LRP2: variants seen among roughly 807,000 people sequenced by gnomAD.
LRP2 encodes the protein LDL receptor related protein 2.
Under a neutral mutation model 531.0 loss-of-function variants are expected in LRP2, and 172 were observed. The ratio of observed to expected loss-of-function variants is 0.32; its 90% CI spans 0.29 to 0.37. LRP2 has a LOEUF of 0.37. LRP2 is among the 10% of genes least tolerant of loss of function. LRP2 has a pLI of 1.00. For synonymous variants in LRP2, 1,992 were observed against 2,027.6 expected (o/e 0.98, Z 0.47); for missense variants, 5,167 against 5,868.3 (o/e 0.88, Z 3.90).
intron 4 of LRP2, among the ~76,000 whole-genome samples, chr2:169,302,816 T>A (rs1353536005): frequency 6.6e-6 from 1 of 151,848 alleles, no homozygotes; most frequent in Non-Finnish European, 1.5e-5. Context: ...ATTGAAAGGC[T>A]TATGAGACAT....
chr2:169,168,926 C>A (rs1185230467), intron 60 of LRP2, among the ~76,000 whole-genome samples: 1 of 152,158 alleles, frequency 6.6e-6, no homozygotes, highest in East Asian at 1.9e-4. Context: ...TCTCTACAGG[C>A]AAATGTCAAG....
chr2:169,278,084 G>T (rs2105447736), intron 12 of LRP2, 133 bp from the exon 13 acceptor site: 4 of 728,108 alleles, frequency 5.5e-6, no homozygotes, highest in Middle Eastern at 3.1e-4. Flanking sequence ...AAACAACAGG[G>T]AAATTAAGTT....
At position 169,239,750 on chromosome 2, in the gene LRP2, A is replaced by G. The variant is rs1179328716; in HGVS notation, c.4071T>C (p.Asn1357=). 6.2e-7 allele frequency: 1 copy of G among 1,613,950 alleles called. No homozygotes were observed. The highest frequency in any genetic ancestry group is 1.7e-5 in the Admixed American group (1 of 60,004). Residue 1357 remains asparagine, a synonymous_variant, in exon 26 of 79, where the codon AAT becomes AAC. Coordinates refer to ENST00000649046, the MANE Select transcript of LRP2 (RefSeq NM_004525.3). The part of the protein sequence containing the change: ...LCNGNSCSDF[N]GGCTHECVQE... Reference sequence around the variant, plus strand: ...GAACACACTCGTGAGTACAACCACCATTGAAATCTGAGCAGCTGTTCCCAT... The same window carrying G: ...GAACACACTCGTGAGTACAACCACCGTTGAAATCTGAGCAGCTGTTCCCAT...
intron 63 of LRP2, among the ~76,000 whole-genome samples, chr2:169,157,917 G>GAAAT (rs71397691): frequency 0.46 from 60,648 of 130,430 alleles, 13,770 homozygotes; most frequent in Admixed American, 0.57. Context: ...ATAACAGATA[G>GAAAT]AAATAAATAA....
At position 169,282,852 on chromosome 2, in the gene LRP2, A is replaced by G. The variant is rs1683743111; in HGVS notation, c.1171+21T>C. 1.9e-6 allele frequency: 3 copies of G among 1,610,912 alleles called. No homozygotes were observed. The Admixed American group carries it at 5.0e-5, about 27-fold the overall frequency. ...GAATCTGTTCACTGTTCAGAGACAC[A>G]GGTGTCCATAATTTACTCACAGGAA... On this transcript the variant is annotated intron_variant, in intron 10 of 78. Coordinates refer to ENST00000649046, the MANE Select transcript of LRP2 (RefSeq NM_004525.3).
chr2:169,269,443 G>T (rs1574203326), intron 16 of LRP2, among the ~76,000 whole-genome samples: 1 of 151,978 alleles, frequency 6.6e-6, no homozygotes, highest in African/African-American at 2.4e-5. Context: ...CCTCAGAAAT[G>T]ATATCACACA....
intron 1 of LRP2, among the ~76,000 whole-genome samples, chr2:169,357,279 TTTTTATTTATTTTTATTTTATTTTA>T (rs1686014947): frequency 6.8e-6 from 1 of 146,774 alleles, no homozygotes; most frequent in Admixed American, 6.9e-5. Context: ...TTTTTTTTCT[TTTTTATTTATTTTTATTTTATTTTA>T]TTTTATTTTA....
intron 60 of LRP2, 93 bp downstream of exon 60, chr2:169,169,609 C>G (rs1677984669): frequency 1.1e-6 from 1 of 942,112 alleles, no homozygotes; most frequent in Non-Finnish European, 1.8e-6. Flanking sequence ...TACTTATGGC[C>G]TTTTAATCTA....
chr2:169,173,007 G>A (rs1687059471), intron 57 of LRP2, 89 bp downstream of exon 57: 3 of 1,503,612 alleles, frequency 2.0e-6, no homozygotes, highest in Non-Finnish European at 2.8e-6. Flanking sequence ...GATGACATGG[G>A]AAATACACTC....
At chr2:169,177,404 A>G (rs1574100379) in intron 53 of LRP2, among the ~76,000 whole-genome samples, 1 of 152,226 alleles carries the variant, frequency 6.6e-6, no homozygotes, top group Non-Finnish European at 1.5e-5. Flanking sequence ...TATACACAAT[A>G]CAATATCATA....
intron 16 of LRP2, among the ~76,000 whole-genome samples, chr2:169,259,473 T>C (rs925203622): frequency 6.6e-6 from 1 of 151,860 alleles, no homozygotes; most frequent in Non-Finnish European, 1.5e-5. Flanking sequence ...GAACCAGGAA[T>C]GGTATGGCCT....
intron 17 of LRP2, among the ~76,000 whole-genome samples, chr2:169,257,922 G>A (rs533135372): frequency 6.6e-6 from 1 of 151,338 alleles, no homozygotes; most frequent in South Asian, 2.1e-4. Flanking sequence ...TTTCCAAAAT[G>A]TAACTTTCTG....
At chr2:169,338,784 G>A (rs570552367) in intron 1 of LRP2, among the ~76,000 whole-genome samples, 82 of 152,322 alleles carry the variant, frequency 5.4e-4, no homozygotes, top group African/African-American at 1.9e-3. Context: ...GGCAAGGAAG[G>A]GGAAGAGCAC....
chr2:169,311,398 T>C (rs1574245688), intron 3 of LRP2, among the ~76,000 whole-genome samples: 1 of 152,380 alleles, frequency 6.6e-6, no homozygotes, highest in East Asian at 1.9e-4. Flanking sequence ...TGGTATGTTG[T>C]GTCTTTGTTC....
At chr2:169,288,599 T>G (rs930850363) in intron 9 of LRP2, among the ~76,000 whole-genome samples, 2 of 152,142 alleles carry the variant, frequency 1.3e-5, no homozygotes, top group Admixed American at 1.3e-4. Flanking sequence ...CTGGGGATGC[T>G]TGTGCATCCT....
intron 1 of LRP2, among the ~76,000 whole-genome samples, chr2:169,327,269 G>GA (rs1169152548): frequency 8.9e-6 from 1 of 111,842 alleles, no homozygotes; most frequent in Admixed American, 8.4e-5. Flanking sequence ...GAGGTGGGGG[G>GA]GTCAGCCCCC....
intron 13 of LRP2, among the ~76,000 whole-genome samples, chr2:169,276,581 A>G (rs1683560335): frequency 6.6e-6 from 1 of 152,126 alleles, no homozygotes; most frequent in South Asian, 2.1e-4. Context: ...AATACACAAT[A>G]CTTCATTTAA....
chr2:169,134,657 T>C (rs1322515146), intron 76 of LRP2, among the ~76,000 whole-genome samples: 1 of 152,204 alleles, frequency 6.6e-6, no homozygotes, highest in African/African-American at 2.4e-5. Flanking sequence ...CCGAACTCAT[T>C]GCCTTAAGTC....
chr2:169,206,747 C>A lies in LRP2; in HGVS notation c.6973G>T (p.Asp2325Tyr), dbSNP rs1214016788. The change falls in exon 39 of 79, where the codon GAT becomes TAT. Residue 2325 changes from aspartate (D) to tyrosine (Y), a missense_variant. Asp to Tyr is a radical substitution (Grantham distance 160). This residue lies in a region of LRP2 where 2,811 missense variants were observed against 3,058.0 expected (regional missense o/e 0.92). Coordinates refer to ENST00000649046, the MANE Select transcript of LRP2 (RefSeq NM_004525.3). ...VIRDNINWLR[D>Y]VTIFDKQVQP... ...ACTTGCTTGTCAAAGATGGTCACAT[C>A]TCTTAGCCAGTTGATATTGTCTCTT... The A allele has an allele frequency of 6.2e-7, 1 of 1,614,068 alleles. No individual in the cohort carries two copies. Among genetic ancestry groups the A allele is most frequent in the Non-Finnish European group, 8.5e-7 (1 of 1,180,038 alleles).
Sources: gnomAD v4.1 joint callset for allele counts (sites outside exome capture counted in the v4.1 genomes callset) on GRCh38, gnomAD v4.1.1 for gene constraint, gnomAD v4.1.1 regional missense constraint, MANE v1.5 for transcripts, NCBI Gene and HGNC (gene_info 2026-07-23, HGNC 2026-07-21) for gene names.